The following TRDN variants were observed in gnomAD, a reference collection of about 807,000 sequenced individuals.
TRDN encodes the protein triadin.
In TRDN, 161 loss-of-function variants were observed where a neutral mutation model predicts 149.7. That is an observed-to-expected ratio of 1.08 (90% CI 0.95 to 1.23). The LOEUF is 1.23. Among genes scored for constraint, TRDN ranks in the 50% most tolerant of loss-of-function variants. The pLI is 0.00. For missense variants in TRDN, 896 were observed against 823.5 expected, an observed-to-expected ratio of 1.09 and a Z score of -1.08; for synonymous variants, 294 against 250.5, an observed-to-expected ratio of 1.17 and a Z score of -1.64.
At chr6:123,515,178 T>C (rs886064102) in intron 6 of TRDN, among the ~76,000 whole-genome samples, 8 of 151,752 alleles carry the variant, frequency 5.3e-5, no homozygotes, top group African/African-American at 1.9e-4. Flanking sequence ...GGGAAATCTA[T>C]GAAATGCCTT....
intron 12 of TRDN, chr6:123,429,088 A>G (rs1463394148): frequency 2.6e-5 from 4 of 151,328 alleles, no homozygotes; most frequent in East Asian, 3.9e-4. Flanking sequence ...AAGAGGGAGG[A>G]AAAAAAAAGA....
chr6:123,505,770 G>A (rs529893753), intron 7 of TRDN, among the ~76,000 whole-genome samples: 8 of 151,774 alleles, frequency 5.3e-5, no homozygotes, highest in African/African-American at 1.9e-4. Flanking sequence ...CACGATCTCG[G>A]CTCACTGCAA....
intron 1 of TRDN, among the ~76,000 whole-genome samples, chr6:123,613,368 T>C (rs1207678773): frequency 6.6e-6 from 1 of 152,222 alleles, no homozygotes. Flanking sequence ...GCACGTTTTA[T>C]GTTTCCTAAT....
intron 6 of TRDN, among the ~76,000 whole-genome samples, chr6:123,515,327 G>T (rs1044563848): frequency 7.9e-5 from 12 of 151,740 alleles, no homozygotes; most frequent in African/African-American, 2.9e-4. Context: ...GACCCAAACA[G>T]AAATCCTAGA....
intron 10 of TRDN, among the ~76,000 whole-genome samples, chr6:123,448,757 G>A (rs887890530): frequency 6.6e-6 from 1 of 152,040 alleles, no homozygotes; most frequent in Non-Finnish European, 1.5e-5. Flanking sequence ...GGTGCAGGAG[G>A]CCAACCAGCA....
Position 123,322,195 on chromosome 6 carries a change from T to C in TRDN, c.1472-5700A>G, listed in dbSNP as rs74330623. Among the ~76,000 whole-genome samples, 936 of 152,292 alleles carry C rather than the reference T, an allele frequency of 6.1e-3. 9 individuals carry two copies. Among genetic ancestry groups the C allele is most frequent in the African/African-American group, 0.022 (907 of 41,554 alleles). On this transcript the variant is annotated intron_variant, in intron 23 of 40. Transcript: ENST00000334268. ...AACTGAGGAATCCTTCCATGCATAA[T>C]GAAGAAGCAAGGTGATGATATTCTC...
At chr6:123,538,200 C>T (rs900528209) in intron 4 of TRDN, among the ~76,000 whole-genome samples, 2 of 151,980 alleles carry the variant, frequency 1.3e-5, no homozygotes, top group African/African-American at 4.8e-5. Flanking sequence ...AAATAAAATG[C>T]CTTCTTACAT....
chr6:123,388,542 T>C lies in TRDN; in HGVS notation c.1115A>G (p.Lys372Arg), dbSNP rs1259355217. The C allele has an allele frequency of 3.7e-5, 59 of 1,586,498 alleles. No homozygotes were observed. The highest frequency in any genetic ancestry group is 4.8e-5 in the Non-Finnish European group (56 of 1,164,162). The change falls in exon 14 of 41, where the codon AAG (lysine) becomes AGG (arginine). Residue 372 changes from lysine to arginine, a missense_variant. Transcript: ENST00000334268. ...TVKIAAQAAA[K>R]KDEKKEDSKK... ...CATACCTTCCTTCTTTTCATCCTTC[T>C]TAGCTGCTGCTGAAGTAATGAAAAT...
rs186665055 is a variant in TRDN, at chr6:123,543,924, T to G, written c.424+3416A>C. On this transcript the variant is annotated intron_variant, in intron 4 of 40. Coordinates refer to ENST00000334268, the MANE Select transcript of TRDN (RefSeq NM_006073.4). ...TTTTACCCAAGAGCTACATTATGATTCTCTAAGGAAAAAAGTGTACATATT... is the reference window on the plus strand; with the variant it reads ...TTTTACCCAAGAGCTACATTATGATGCTCTAAGGAAAAAAGTGTACATATT... Among the ~76,000 whole-genome samples, 127 of 152,116 alleles carry G rather than the reference T, an allele frequency of 8.3e-4. 2 individuals carry two copies. The highest frequency in any genetic ancestry group is 5.1e-3 in the Admixed American group (78 of 15,266).
At chr6:123,456,753 C>T (rs1776147828) in intron 10 of TRDN, 14 of 455,026 alleles carry the variant, frequency 3.1e-5, no homozygotes, top group South Asian at 1.9e-4. Flanking sequence ...TACAGCATTC[C>T]TTATCCTTTA....
chr6:123,322,789 T>C (rs1779294044), intron 23 of TRDN, among the ~76,000 whole-genome samples: 1 of 151,820 alleles, frequency 6.6e-6, no homozygotes, highest in South Asian at 2.1e-4. Flanking sequence ...TATAGGTGCC[T>C]ACCACCACGC....
intron 10 of TRDN, among the ~76,000 whole-genome samples, chr6:123,448,092 G>T (rs1020745316): frequency 2.6e-5 from 4 of 152,198 alleles, no homozygotes; most frequent in Admixed American, 6.5e-5. Context: ...CTGAGAGCTC[G>T]CTGGGTCCCC....
At chr6:123,250,052 T>C (rs113887502) in intron 38 of TRDN, among the ~76,000 whole-genome samples, 1,644 of 152,126 alleles carry the variant, frequency 0.011, 35 homozygotes, top group South Asian at 0.077. Context: ...CATACACCAA[T>C]AATGAACTAG....
At chr6:123,231,402 C>T (rs1027144981) in intron 38 of TRDN, among the ~76,000 whole-genome samples, 4 of 151,772 alleles carry the variant, frequency 2.6e-5, no homozygotes, top group African/African-American at 7.3e-5. Flanking sequence ...TTTGAACAAT[C>T]GTAATGAATT....
chr6:123,479,976 G>A (rs181708107), intron 9 of TRDN, among the ~76,000 whole-genome samples: 18 of 151,946 alleles, frequency 1.2e-4, no homozygotes, highest in East Asian at 3.9e-4. Flanking sequence ...TTATGGTAAC[G>A]CAATATTCAA....
chr6:123,230,726 T>C (rs1397668561), intron 38 of TRDN, among the ~76,000 whole-genome samples: 2 of 151,956 alleles, frequency 1.3e-5, no homozygotes, highest in African/African-American at 2.4e-5. Context: ...ATAATGTATA[T>C]TTTGTGATGT....
chr6:123,344,318 T>C (rs1780174125), intron 21 of TRDN, among the ~76,000 whole-genome samples: 1 of 152,046 alleles, frequency 6.6e-6, no homozygotes, highest in South Asian at 2.1e-4. Context: ...GGTTCAATCT[T>C]AGTTTTATAC....
intron 13 of TRDN, among the ~76,000 whole-genome samples, chr6:123,393,084 A>T (rs79725774): frequency 6.6e-6 from 1 of 152,090 alleles, no homozygotes; most frequent in Admixed American, 6.6e-5. Context: ...ATGGTGTGAG[A>T]CGAAACCACT....
intron 14 of TRDN, among the ~76,000 whole-genome samples, chr6:123,387,332 A>G (rs1781943172): frequency 6.6e-6 from 1 of 152,162 alleles, no homozygotes; most frequent in Non-Finnish European, 1.5e-5. Flanking sequence ...TTATGCATTT[A>G]TTAAAAATAA....
Sources: allele counts gnomAD v4.1 joint callset (sites outside exome capture counted in the v4.1 genomes callset), GRCh38; gene constraint gnomAD v4.1.1; transcripts MANE v1.5; gene names NCBI Gene and HGNC (gene_info 2026-07-23, HGNC 2026-07-21).